CFB: variants seen among roughly 807,000 people sequenced by gnomAD.
CFB encodes the protein B-factor, properdin.
A neutral mutation model predicts 97.2 loss-of-function variants in CFB; 59 were observed. The observed-to-expected ratio is 0.61, with a 90% CI of 0.49 to 0.75. The LOEUF (loss-of-function observed/expected upper bound fraction) is 0.75. CFB is among the 30% of genes least tolerant of loss of function. CFB has a pLI of 0.00. For missense variants in CFB, 771 were observed against 959.8 expected (o/e 0.80, Z 2.60); for synonymous variants, 316 against 351.7 (o/e 0.90, Z 1.14).
At chr6:31,950,498 C>T (rs779468736) in intron 12 of CFB, 95 bp downstream of exon 12, 1 of 1,561,148 alleles carries the variant, frequency 6.4e-7, no homozygotes, top group East Asian at 2.2e-5. Flanking sequence ...ATCCTCAATG[C>T]AGCCCCATTC....
At chr6:31,950,821 TG>T (rs750319622) in intron 13 of CFB, 46 bp from the exon 14 acceptor site, 10 of 1,612,908 alleles carry the variant, frequency 6.2e-6, no homozygotes, top group Admixed American at 3.3e-5. Flanking sequence ...GCTGGAGGAC[TG>T]GGGTGAGGAG....
chr6:31,948,236 T>C (rs17201431), intron 6 of CFB, 138 bp from the exon 7 acceptor site: 34,996 of 1,505,684 alleles, frequency 0.023, 549 homozygotes, highest in African/African-American at 0.028. Flanking sequence ...AAGCAGTTTC[T>C]TGACTGGTAA....
At chr6:31,949,736 G>A (rs1041806797) in intron 10 of CFB, 179 bp downstream of exon 10, 17 of 813,068 alleles carry the variant, frequency 2.1e-5, no homozygotes, top group Non-Finnish European at 3.3e-5. Context: ...GAATCACAGA[G>A]CTCTGAGCAC....
At position 31,946,618 on chromosome 6, in the gene CFB, A is replaced by ATGAG; in HGVS notation, c.298+15_298+18dup. The ATGAG allele has an allele frequency of 6.2e-7, 1 of 1,602,584 alleles. No homozygotes were observed. Among genetic ancestry groups the ATGAG allele is most frequent in the Non-Finnish European group, 8.5e-7 (1 of 1,177,974 alleles). On this transcript the variant is annotated intron_variant, in intron 2 of 17. Transcript: ENST00000425368. This position sits in a 1 kb window ranked among gnomAD's most constrained non-coding sequence, Gnocchi z 6.4. ...GGCAGAGTGCAGAGGTTTGAGGGCA[A>ATGAG]TGAGTGTGGGCAGTGGCCTAAGGCA...
intron 8 of CFB, 111 bp from the exon 9 acceptor site, chr6:31,949,132 A>T: frequency 7.0e-7 from 1 of 1,428,718 alleles, no homozygotes; most frequent in Non-Finnish European, 9.7e-7. Context: ...AAGCCCTGTG[A>T]TCAACTATCT....
rs759293549 is a variant in CFB, at chr6:31,947,157, G to A, written c.449G>A (p.Arg150Gln). The change falls in exon 3 of 18, where the codon CGA becomes CAA. Residue 150 changes from arginine (R) to glutamine (Q), a missense_variant. Arg to Gln is a conservative substitution (Grantham distance 43, BLOSUM62 1). Coordinates refer to ENST00000425368, the MANE Select transcript of CFB (RefSeq NM_001710.6). The surrounding 1 kb of genome is among the most constrained non-coding windows in gnomAD (Gnocchi z 5.3). Reference sequence around the variant, plus strand: ...AATCGCACCTGCCAAGTGAATGGCCGATGGAGTGGGCAGACAGCGATCTGT... The same window carrying A: ...AATCGCACCTGCCAAGTGAATGGCCAATGGAGTGGGCAGACAGCGATCTGT... The part of the protein sequence containing the change: ...SANRTCQVNG[R>Q]WSGQTAICDN... The A allele has an allele frequency of 3.7e-6, 6 of 1,612,970 alleles. No individual in the cohort carries two copies. The highest frequency in any genetic ancestry group is 1.1e-5 in the South Asian group (1 of 91,084).
chr6:31,947,853 C>T lies in CFB; in HGVS notation c.760+10C>T. 1 of 1,613,940 alleles carries T rather than the reference C, an allele frequency of 6.2e-7. No individual in the cohort carries two copies. The highest frequency in any genetic ancestry group is 8.5e-7 in the Non-Finnish European group (1 of 1,180,018). ...GATGGGCACGGCCCAGGTTTGAAGA[C>T]AGAGAAGGGAGGCAGGGCAGGGAAC... On this transcript the variant is annotated intron_variant, in intron 5 of 17. Coordinates refer to ENST00000425368, the MANE Select transcript of CFB (RefSeq NM_001710.6). The surrounding 1 kb of genome is among the most constrained non-coding windows in gnomAD (Gnocchi z 5.3).
chr6:31,947,898 G>A lies in CFB; in HGVS notation c.761-47G>A. 1 of 1,614,166 alleles carries A rather than the reference G, an allele frequency of 6.2e-7. No individual in the cohort carries two copies. The highest frequency in any genetic ancestry group is 8.5e-7 in the Non-Finnish European group (1 of 1,180,038). The stretch of plus-strand genomic sequence containing the variant: ...GGGAACTGGGGGAAAATGGAGAAGG[G>A]ACAGAACTGTTAATGCTGGAGCCTG... On this transcript the variant is annotated intron_variant, in intron 5 of 17. Transcript: ENST00000425368. The surrounding 1 kb of genome is among the most constrained non-coding windows in gnomAD (Gnocchi z 5.3).
At chr6:31,948,220 T>C (rs931469410) in intron 6 of CFB, 139 bp downstream of exon 6, 1 of 1,498,982 alleles carries the variant, frequency 6.7e-7, no homozygotes, top group African/African-American at 1.4e-5. Flanking sequence ...CCTTCCCTTT[T>C]ACTTGAAGCA....
At chr6:31,950,446 C>T in intron 12 of CFB, 43 bp downstream of exon 12, 1 of 1,581,086 alleles carries the variant, frequency 6.3e-7, no homozygotes, top group East Asian at 2.2e-5. Context: ...CTATGCTCTC[C>T]AGGCAACACC....
In CFB at chr6:31,950,719, T is replaced by G; in HGVS notation, c.1725T>G (p.Tyr575Ter). The change falls in exon 13 of 18, where the codon TAT becomes TAG. Residue 575 changes from tyrosine to a stop codon, truncating the protein, a stop_gained. Transcript: ENST00000425368. LOFTEE classifies it high-confidence loss of function. ...KEAGIPEFYDYDVALIKLKNK... is the reference protein window; with the variant it reads ...KEAGIPEFYD ...CAGGAATTCCTGAATTTTATGACTA[T>G]GACGTTGCCCTGATCAAGCTCAAGA... 1 of 1,613,074 alleles carries G rather than the reference T, an allele frequency of 6.2e-7. No homozygotes were observed. The highest frequency in any genetic ancestry group is 8.5e-7 in the Non-Finnish European group (1 of 1,180,036).
chr6:31,949,170 G>A, intron 8 of CFB, 73 bp from the exon 9 acceptor site: 1 of 1,519,116 alleles, frequency 6.6e-7, no homozygotes, highest in South Asian at 1.1e-5. Context: ...TGCTCACCCT[G>A]CCATGTGTAT....
In CFB at chr6:31,951,778, G is replaced by A; in HGVS notation, c.2140-97G>A. On this transcript the variant is annotated intron_variant, in intron 17 of 17. Transcript: ENST00000425368. This position sits in a 1 kb window ranked among gnomAD's most constrained non-coding sequence, Gnocchi z 4.3. ...CGAGGCTGAGCTGGGTCCCTAGTCT[G>A]ATTCCTTTAGGTCAGCTAAGACACA... 2 of 1,598,198 alleles carry A rather than the reference G, an allele frequency of 1.3e-6. No individual in the cohort carries two copies. Among genetic ancestry groups the A allele is most frequent in the Non-Finnish European group, 1.7e-6 (2 of 1,166,776 alleles).
chr6:31,949,697 T>C (rs2151785594), intron 10 of CFB, 140 bp downstream of exon 10: 1 of 1,057,694 alleles, frequency 9.5e-7, no homozygotes, highest in Non-Finnish European at 1.4e-6. Flanking sequence ...TCACTATTCT[T>C]GTTTCCTGGC....
At position 31,951,936 on chromosome 6, in the gene CFB, T is replaced by G; in HGVS notation, c.2201T>G (p.Val734Gly). ...AAAAACCAGAAGCGGCAAAAGCAGG[T>G]ACCTGCTCACGCCCGAGACTTTCAC... The part of the protein sequence containing the change: ...VCKNQKRQKQ[V>G]PAHARDFHIN... Residue 734 changes from valine (V) to glycine (G), a missense_variant, in exon 18 of 18, where the codon GTA (valine) becomes GGA (glycine). By Grantham distance (109) the Val-to-Gly change is moderately radical. Coordinates refer to ENST00000425368, the MANE Select transcript of CFB (RefSeq NM_001710.6). The surrounding 1 kb of genome is among the most constrained non-coding windows in gnomAD (Gnocchi z 4.3). 1 of 1,613,114 alleles carries G rather than the reference T, an allele frequency of 6.2e-7. No individual in the cohort carries two copies. The highest frequency in any genetic ancestry group is 8.5e-7 in the Non-Finnish European group (1 of 1,180,036).
rs1771617226 is a variant in CFB, at chr6:31,949,357, C to T, written c.1270+13C>T. 6.2e-7 allele frequency: 1 copy of T among 1,614,038 alleles called. No homozygotes were observed. On this transcript the variant is annotated intron_variant, in intron 9 of 17. Transcript: ENST00000425368. ...GAGGATTATCTGGGTGAGTAACCTG[C>T]CTAGGACCCAGCACCCCACTTCCTC...
chr6:31,948,602 G>A, intron 7 of CFB, 90 bp downstream of exon 7: 1 of 1,587,590 alleles, frequency 6.3e-7, no homozygotes. Context: ...GGGCGACAGG[G>A]AGGACCACTT....
At position 31,951,503 on chromosome 6, in the gene CFB, A is replaced by G. The variant is rs775872016; in HGVS notation, c.2089+30A>G. ...GAGAATGCTCTTTGGTTGTGCTACA[A>G]GTGCCCAAGGCCCAACAGTCCTTTT... is the stretch of plus-strand genomic sequence containing the variant. On this transcript the variant is annotated intron_variant, in intron 16 of 17. Transcript: ENST00000425368. The surrounding 1 kb of genome is among the most constrained non-coding windows in gnomAD (Gnocchi z 4.3). 6.2e-7 allele frequency: 1 copy of G among 1,614,218 alleles called. No individual in the cohort carries two copies.
Position 31,946,515 on chromosome 6 carries a change from C to T in CFB, c.207C>T (p.Tyr69=). Residue 69 remains tyrosine (Y), a synonymous_variant, in exon 2 of 18, where the codon TAC becomes TAT. Transcript: ENST00000425368. The surrounding 1 kb of genome is among the most constrained non-coding windows in gnomAD (Gnocchi z 6.4). ...TGTGTCCTTCTGGCTTCTACCCGTA[C>T]CCTGTGCAGACACGTACCTGCAGAT... is the stretch of plus-strand genomic sequence containing the variant. ...EYVCPSGFYP[Y]PVQTRTCRST... is the part of the protein sequence containing the mutation. 2 of 1,613,060 alleles carry T rather than the reference C, an allele frequency of 1.2e-6. No homozygotes were observed. The highest frequency in any genetic ancestry group is 1.7e-6 in the Non-Finnish European group (2 of 1,180,026).
Sources: allele counts gnomAD v4.1 joint callset, GRCh38; gene constraint gnomAD v4.1.1; non-coding constraint Gnocchi (gnomAD v3.1); transcripts MANE v1.5; gene names NCBI Gene and HGNC (gene_info 2026-07-23, HGNC 2026-07-21).